ISG20: variants seen among roughly 807,000 people sequenced by gnomAD.
ISG20 encodes interferon-stimulated gene 20 kDa protein.
Under a neutral mutation model 11.1 loss-of-function variants are expected in ISG20, and 8 were observed. The ratio of observed to expected loss-of-function variants is 0.72; its 90% CI spans 0.42 to 1.30. ISG20 has a LOEUF of 1.30. Among genes scored for constraint, ISG20 ranks in the 50% most tolerant of loss-of-function variants. The pLI is 0.01. For missense variants in ISG20, 243 were observed against 250.2 expected, an observed-to-expected ratio of 0.97 and a Z score of 0.19; for synonymous variants, 110 against 101.7, an observed-to-expected ratio of 1.08 and a Z score of -0.49.
upstream of ISG20, among the ~76,000 whole-genome samples, chr15:88,638,208 T>C (rs1022295537): frequency 2.6e-5 from 4 of 152,228 alleles, no homozygotes; most frequent in African/African-American, 9.6e-5. Flanking sequence ...CAGCTTATTG[T>C]TGGATCTCAC....
rs150213933 is a variant in ISG20, at chr15:88,652,198, C to T, written c.317C>T (p.Thr106Ile). The T allele has an allele frequency of 5.0e-5, 80 of 1,613,982 alleles. No individual in the cohort carries two copies. The African/African-American group carries it at 9.1e-4, about 18-fold the overall frequency. Residue 106 changes from threonine (T) to isoleucine (I), a missense_variant, in exon 3 of 4, where the codon ACA (threonine) becomes ATA (isoleucine). Transcript: ENST00000306072. The stretch of plus-strand genomic sequence containing the variant: ...CTGAAAGAGGACATGAGCGGCTACA[C>T]AATCTACGACACGTCCACTGACAGG... ...QALKEDMSGY[T>I]IYDTSTDRLL... is the part of the protein sequence containing the mutation.
intron 2 of ISG20, among the ~76,000 whole-genome samples, chr15:88,640,910 G>A (rs1788359674): frequency 1.3e-5 from 2 of 150,358 alleles, no homozygotes; most frequent in South Asian, 4.2e-4. Flanking sequence ...AGTGAGCCAA[G>A]ATGGCACCCA....
At position 88,652,287 on chromosome 15, in the gene ISG20, C is replaced by T. The variant is rs760289978; in HGVS notation, c.406C>T (p.Arg136Cys). The change falls in exon 3 of 4, where the codon CGC (arginine) becomes TGC (cysteine). Residue 136 changes from arginine (R) to cysteine (C), a missense_variant. Physicochemically the swap from Arg to Cys is radical, Grantham distance 180. Transcript: ENST00000306072. ...TGTCTCCCTGCGGGTGCTGAGTGAG[C>T]GCCTCCTACACAAGAGCATCCAGGT... ...RRVSLRVLSE[R>C]LLHKSIQNSL... 8.7e-6 allele frequency: 14 copies of T among 1,613,460 alleles called. No homozygotes were observed. The highest frequency in any genetic ancestry group is 2.2e-5 in the East Asian group (1 of 44,862).
chr15:88,641,928 T>C (rs2058088525), intron 2 of ISG20, among the ~76,000 whole-genome samples: 1 of 9,752 alleles, frequency 1.0e-4, no homozygotes, highest in Non-Finnish European at 1.0e-3. Flanking sequence ...AGCTTCCTCT[T>C]TTTTTTTTTT....
In ISG20 at chr15:88,652,226, G is replaced by A. The variant is rs1156420364; in HGVS notation, c.345G>A (p.Leu115=). The change falls in exon 3 of 4, where the codon CTG becomes CTA. Residue 115 remains leucine (L), a synonymous_variant. Transcript: ENST00000306072. ...TCTACGACACGTCCACTGACAGGCTGTTGTGGCGTGAGGCCAAGCTGGACC... is the reference window on the plus strand; with the variant it reads ...TCTACGACACGTCCACTGACAGGCTATTGTGGCGTGAGGCCAAGCTGGACC... ...YTIYDTSTDR[L]LWREAKLDHC... The A allele has an allele frequency of 6.2e-7, 1 of 1,614,074 alleles. No homozygotes were observed. Among genetic ancestry groups the A allele is most frequent in the East Asian group, 2.2e-5 (1 of 44,872 alleles).
Position 88,650,428 on chromosome 15 carries a change from G to A in ISG20, c.229-1682G>A. The A allele has an allele frequency of 6.7e-7, 1 of 1,491,290 alleles. No individual in the cohort carries two copies. The highest frequency in any genetic ancestry group is 8.9e-7 in the Non-Finnish European group (1 of 1,123,816). 92.4% of individuals were successfully genotyped at this position (1,491,290 alleles called of 1,614,324 possible). ...TTCTGGCTCAGTGTGGCAGTGGCAGGCGGGCTCTGGATTCATCCCACTGGC... is the reference window on the plus strand; with the variant it reads ...TTCTGGCTCAGTGTGGCAGTGGCAGACGGGCTCTGGATTCATCCCACTGGC... On this transcript the variant is annotated intron_variant, in intron 2 of 3. Coordinates refer to ENST00000306072, the MANE Select transcript of ISG20 (RefSeq NM_002201.6). The surrounding 1 kb of genome is among the most constrained non-coding windows in gnomAD (Gnocchi z 4.0).
At chr15:88,654,489 C>G (rs1361260731) in intron 3 of ISG20, among the ~76,000 whole-genome samples, 3 of 152,228 alleles carry the variant, frequency 2.0e-5, no homozygotes, top group African/African-American at 7.2e-5. Flanking sequence ...AGTCCTCTCT[C>G]GACAGAGGGA....
At position 88,650,712 on chromosome 15, in the gene ISG20, A is replaced by G; in HGVS notation, c.229-1398A>G. 5.9e-6 allele frequency: 1 copy of G among 169,616 alleles called. No individual in the cohort carries two copies. Among genetic ancestry groups the G allele is most frequent in the South Asian group, 1.3e-4 (1 of 7,530 alleles). The allele number at this position is 169,616 out of a possible 1,614,324, so 10.5% of individuals were successfully genotyped here. Reference sequence around the variant, plus strand: ...GCTGGCCTGCCTTGGACACATCACTATCTCGGTGGCTTTTCCCCGTGGTCT... The same window carrying G: ...GCTGGCCTGCCTTGGACACATCACTGTCTCGGTGGCTTTTCCCCGTGGTCT... On this transcript the variant is annotated intron_variant, in intron 2 of 3. Coordinates refer to ENST00000306072, the MANE Select transcript of ISG20 (RefSeq NM_002201.6). This position sits in a 1 kb window ranked among gnomAD's most constrained non-coding sequence, Gnocchi z 4.0.
chr15:88,652,253 C>T lies in ISG20; in HGVS notation c.372C>T (p.His124=), dbSNP rs1245559128. 1.2e-5 allele frequency: 20 copies of T among 1,613,922 alleles called. No homozygotes were observed. The highest frequency in any genetic ancestry group is 2.7e-5 in the African/African-American group (2 of 74,922). Residue 124 remains histidine (H), a synonymous_variant, in exon 3 of 4, where the codon CAC becomes CAT. Coordinates refer to ENST00000306072, the MANE Select transcript of ISG20 (RefSeq NM_002201.6). Reference sequence around the variant, plus strand: ...TGTGGCGTGAGGCCAAGCTGGACCACTGCAGGCGTGTCTCCCTGCGGGTGC... The same window carrying T: ...TGTGGCGTGAGGCCAAGCTGGACCATTGCAGGCGTGTCTCCCTGCGGGTGC... ...RLLWREAKLD[H]CRRVSLRVLS...
intron 3 of ISG20, among the ~76,000 whole-genome samples, chr15:88,654,567 G>C (rs1195656288): frequency 6.6e-6 from 1 of 152,130 alleles, no homozygotes; most frequent in African/African-American, 2.4e-5. Context: ...CAGGACACCA[G>C]GGCTGAGCGG....
intron 2 of ISG20, among the ~76,000 whole-genome samples, chr15:88,646,119 A>G (rs1376982756): frequency 6.6e-6 from 1 of 152,196 alleles, no homozygotes; most frequent in Non-Finnish European, 1.5e-5. Context: ...TGTGGATCCA[A>G]TCCCAACTTT....
At position 88,639,144 on chromosome 15, in the gene ISG20, G is replaced by A. The variant is rs558614402; in HGVS notation, c.-25+68G>A. On this transcript the variant is annotated intron_variant, in intron 1 of 3. Coordinates refer to ENST00000306072, the MANE Select transcript of ISG20 (RefSeq NM_002201.6). This position sits in a 1 kb window ranked among gnomAD's most constrained non-coding sequence, Gnocchi z 4.2. ...GGGGCCTTCCCGGTCCCCAGGCTGC[G>A]GGGCAGGCCAGAGGCCCTGGGACAC... 8 of 569,732 alleles carry A rather than the reference G, an allele frequency of 1.4e-5. 1 individual carries two copies. The highest frequency in any genetic ancestry group is 1.3e-4 in the South Asian group (6 of 45,506). The allele number at this position is 569,732 out of a possible 1,614,324, so 35.3% of individuals were successfully genotyped here.
rs1257505477 is a variant in ISG20 at position 88,641,604 on chromosome 15, C to CTG, written c.228+2018_228+2019dup. 2.0e-5 allele frequency among the ~76,000 whole-genome samples: 3 copies of CTG among 152,272 alleles called. No homozygotes were observed. The East Asian group carries it at 5.8e-4, about 29-fold the overall frequency. Reference sequence around the variant, plus strand: ...CCTTCATGTTCACATGGCATTCTCTCTGTGTGTGTCCAAACTTCCTCTTTT... The same window carrying CTG: ...CCTTCATGTTCACATGGCATTCTCTCTGTGTGTGTGTCCAAACTTCCTCTTTT... On this transcript the variant is annotated intron_variant, in intron 2 of 3. Transcript: ENST00000306072.
In ISG20 at chr15:88,655,576, T is replaced by C. The variant is rs750171122; in HGVS notation, c.*45T>C. On this transcript the variant is annotated 3_prime_UTR_variant, in exon 4 of 4. Transcript: ENST00000306072. ...CGCAGGGACTAGAGGCTTTCGGCTT[T>C]TTGGGACAGCAACTACCTTGCTTTT... is the stretch of plus-strand genomic sequence containing the variant. 1 of 1,413,280 alleles carries C rather than the reference T, an allele frequency of 7.1e-7. No homozygotes were observed. Among genetic ancestry groups the C allele is most frequent in the Non-Finnish European group, 9.8e-7 (1 of 1,021,084 alleles). 87.5% of individuals were successfully genotyped at this position (1,413,280 alleles called of 1,614,324 possible). A position where few individuals can be genotyped will look rare whatever the true frequency, so the allele number is the denominator to read the frequency against.
At chr15:88,646,077 G>A (rs919932532) in intron 2 of ISG20, among the ~76,000 whole-genome samples, 1 of 152,198 alleles carries the variant, frequency 6.6e-6, no homozygotes, top group African/African-American at 2.4e-5. Flanking sequence ...GATGGGCAGG[G>A]AGCAAGCACA....
At position 88,655,762 on chromosome 15, in the gene ISG20, T is replaced by C; in HGVS notation, c.*231T>C. 2.5e-6 allele frequency: 1 copy of C among 407,402 alleles called. No homozygotes were observed. 25.2% of individuals were successfully genotyped at this position (407,402 alleles called of 1,614,324 possible). On this transcript the variant is annotated 3_prime_UTR_variant, in exon 4 of 4. Transcript: ENST00000306072. ...GTCTTATGCTGGGGAGGTGGGCAAG[T>C]ATCAATTTCCTTAATATCTTGAATC... is the stretch of plus-strand genomic sequence containing the variant.
chr15:88,649,928 G>A (rs2058245120), intron 2 of ISG20: 5 of 392,156 alleles, frequency 1.3e-5, no homozygotes, highest in Non-Finnish European at 1.9e-5. Flanking sequence ...TGGACAGACT[G>A]CTTCCCGCAT....
intron 3 of ISG20, 41 bp downstream of exon 3, chr15:88,652,351 C>CCCT: frequency 8.6e-7 from 1 of 1,159,446 alleles, no homozygotes; most frequent in African/African-American, 1.9e-5. Flanking sequence ...CCCCTCCTCC[C>CCCT]CCTCCTCCCC....
At chr15:88,645,482 T>C (rs1384826640) in intron 2 of ISG20, among the ~76,000 whole-genome samples, 2 of 152,164 alleles carry the variant, frequency 1.3e-5, no homozygotes, top group African/African-American at 4.8e-5. Flanking sequence ...CCCACTCTGC[T>C]GCCAGAGAAC....
Sources: allele counts gnomAD v4.1 joint callset (sites outside exome capture counted in the v4.1 genomes callset), GRCh38; gene constraint gnomAD v4.1.1; non-coding constraint Gnocchi (gnomAD v3.1); transcripts MANE v1.5; gene names NCBI Gene and HGNC (gene_info 2026-07-23, HGNC 2026-07-21).